GREB1L: variants seen among roughly 807,000 people sequenced by gnomAD.
The protein encoded by GREB1L is GREB1 like retinoic acid receptor coactivator, also known as GREB1-like protein.
A neutral mutation model predicts 200.8 loss-of-function variants in GREB1L; 17 were observed. That is an observed-to-expected ratio of 0.08 (90% CI 0.06 to 0.13). The LOEUF is 0.13. GREB1L is among the 10% of genes least tolerant of loss of function. The pLI is 1.00. For synonymous variants in GREB1L, 789 were observed against 893.0 expected (o/e 0.88, Z 2.08); for missense variants, 1,657 against 2,367.7 (o/e 0.70, Z 6.23).
intron 1 of GREB1L, among the ~76,000 whole-genome samples, chr18:21,358,700 T>G (rs2143496187): frequency 6.6e-6 from 1 of 151,744 alleles, no homozygotes; most frequent in South Asian, 2.1e-4. Flanking sequence ...AGGTTGGGAG[T>G]GGGGGTGAAA....
At chr18:21,332,158 T>A (rs1406809536) in intron 1 of GREB1L, among the ~76,000 whole-genome samples, 1 of 152,260 alleles carries the variant, frequency 6.6e-6, no homozygotes, top group Non-Finnish European at 1.5e-5. Context: ...GCACATTAAC[T>A]GACCCAGGGT....
At chr18:21,376,264 G>A (rs566590881) in intron 2 of GREB1L, among the ~76,000 whole-genome samples, 4 of 151,612 alleles carry the variant, frequency 2.6e-5, no homozygotes, top group East Asian at 3.9e-4. Context: ...GATTACAGGC[G>A]CCTGCCACCA....
intron 7 of GREB1L, among the ~76,000 whole-genome samples, chr18:21,431,947 G>A (rs1266596291): frequency 2.6e-5 from 3 of 113,260 alleles, no homozygotes; most frequent in African/African-American, 1.1e-4. Context: ...TTTTGAGACA[G>A]AGTCTCACTC....
intron 12 of GREB1L, 144 bp from the exon 13 acceptor site, chr18:21,450,879 A>T: frequency 1.5e-6 from 1 of 660,906 alleles, no homozygotes; most frequent in Non-Finnish European, 2.5e-6. Flanking sequence ...ATAATTGTCC[A>T]TACCTTTTGA....
At chr18:21,335,484 A>G (rs894770131) in intron 1 of GREB1L, among the ~76,000 whole-genome samples, 3 of 152,162 alleles carry the variant, frequency 2.0e-5, no homozygotes, top group African/African-American at 7.2e-5. Flanking sequence ...AATCAAGGAC[A>G]AAAGATTTTT....
At position 21,523,184 on chromosome 18, in the gene GREB1L, C is replaced by T; in HGVS notation, c.*363C>T. ...AAACTGACTGTCAGGATTAACTAGC[C>T]TGAATGTGTTACATGAGACTCATGC... On this transcript the variant is annotated 3_prime_UTR_variant, in exon 33 of 33. Transcript: ENST00000424526. 1 of 167,138 alleles carries T rather than the reference C, an allele frequency of 6.0e-6. No individual in the cohort carries two copies. Among genetic ancestry groups the T allele is most frequent in the Non-Finnish European group, 1.3e-5 (1 of 77,974 alleles). 10.4% of individuals were successfully genotyped at this position (167,138 alleles called of 1,614,324 possible).
At chr18:21,269,832 T>C (rs2038050631) in intron 1 of GREB1L, among the ~76,000 whole-genome samples, 2 of 152,216 alleles carry the variant, frequency 1.3e-5, no homozygotes, top group Non-Finnish European at 2.9e-5. Flanking sequence ...TTAGTCAGCA[T>C]ACTTGATTTA....
intron 14 of GREB1L, 195 bp downstream of exon 14, chr18:21,452,412 TAA>T: frequency 3.8e-6 from 2 of 524,602 alleles, no homozygotes; most frequent in Non-Finnish European, 6.5e-6. Flanking sequence ...TTGTTCCTAG[TAA>T]AAGTCTTCTG....
rs79988006 is a variant in GREB1L at position 21,481,634 on chromosome 18, C to G, written c.2557-3986C>G. Among the ~76,000 whole-genome samples the G allele has an allele frequency of 1.1e-4, 16 of 152,096 alleles. No individual in the cohort carries two copies. In the East Asian group the frequency reaches 2.3e-3, roughly 22 times the overall value. On this transcript the variant is annotated intron_variant, in intron 17 of 32. Transcript: ENST00000424526. ...AGAATATTACCACCACCCGAGAAGT[C>G]CTGTGTCCCTTCTAGGCACCCCCAC...
intron 17 of GREB1L, among the ~76,000 whole-genome samples, chr18:21,483,325 C>T (rs1209415349): frequency 1.3e-5 from 2 of 152,208 alleles, no homozygotes; most frequent in Non-Finnish European, 2.9e-5. Flanking sequence ...AAAGCTTTTC[C>T]AGATGACTCT....
chr18:21,247,528 T>C (rs1252744031), intron 1 of GREB1L, among the ~76,000 whole-genome samples: 1 of 152,174 alleles, frequency 6.6e-6, no homozygotes, highest in Non-Finnish European at 1.5e-5. Context: ...CGTGTTTGCC[T>C]ATATTACCAA....
chr18:21,329,600 C>T (rs2039076657), intron 1 of GREB1L, among the ~76,000 whole-genome samples: 1 of 152,108 alleles, frequency 6.6e-6, no homozygotes, highest in African/African-American at 2.4e-5. Context: ...GGGTCTTACG[C>T]ACCTGGCTTT....
At chr18:21,477,658 C>T (rs1269045610) in intron 17 of GREB1L, among the ~76,000 whole-genome samples, 3 of 152,010 alleles carry the variant, frequency 2.0e-5, no homozygotes, top group Admixed American at 6.5e-5. Context: ...TGCTGGCACA[C>T]GCCTGTAATC....
At chr18:21,402,419 CT>C (rs887970884) in intron 6 of GREB1L, among the ~76,000 whole-genome samples, 155 of 151,118 alleles carry the variant, frequency 1.0e-3, no homozygotes, top group African/African-American at 2.2e-3. Flanking sequence ...TTTCATTTAT[CT>C]TTTTTTCTTT....
intron 1 of GREB1L, among the ~76,000 whole-genome samples, chr18:21,354,013 T>C (rs1307879927): frequency 6.6e-6 from 1 of 152,152 alleles, no homozygotes; most frequent in African/African-American, 2.4e-5. Flanking sequence ...GGTCTTGAAC[T>C]CCTGACCTCA....
chr18:21,310,226 T>G (rs1375988532), intron 1 of GREB1L, among the ~76,000 whole-genome samples: 1 of 152,116 alleles, frequency 6.6e-6, no homozygotes, highest in African/African-American at 2.4e-5. Context: ...GGTTGGTAAC[T>G]GAGAGAAGAG....
chr18:21,320,909 T>A (rs1325849562), intron 1 of GREB1L, among the ~76,000 whole-genome samples: 1 of 151,958 alleles, frequency 6.6e-6, no homozygotes, highest in East Asian at 1.9e-4. Flanking sequence ...TCTTAAAAAT[T>A]AGAGGAAAAA....
At chr18:21,443,648 A>G (rs2034037774) in intron 10 of GREB1L, among the ~76,000 whole-genome samples, 1 of 152,246 alleles carries the variant, frequency 6.6e-6, no homozygotes, top group South Asian at 2.1e-4. Flanking sequence ...CAAAATATTA[A>G]CATGTTCCTT....
At chr18:21,326,520 G>T (rs777448548) in intron 1 of GREB1L, among the ~76,000 whole-genome samples, 1 of 152,094 alleles carries the variant, frequency 6.6e-6, no homozygotes, top group African/African-American at 2.4e-5. Flanking sequence ...AGTCCTCCCC[G>T]ACTCTCAGCA....
Sources: gnomAD v4.1 joint callset for allele counts (sites outside exome capture counted in the v4.1 genomes callset) on GRCh38, gnomAD v4.1.1 for gene constraint, MANE v1.5 for transcripts, NCBI Gene and HGNC (gene_info 2026-07-23, HGNC 2026-07-21) for gene names.